The following NT5DC1 variants were observed in gnomAD, a reference collection of about 807,000 sequenced individuals.
The protein encoded by NT5DC1 is 5'-nucleotidase domain containing 1, also known as 5'-nucleotidase domain-containing protein 1.
Under a neutral mutation model 59.4 loss-of-function variants are expected in NT5DC1, and 42 were observed. The ratio of observed to expected loss-of-function variants is 0.71; its 90% CI spans 0.55 to 0.92. The LOEUF is 0.92. NT5DC1 is among the 40% of genes least tolerant of loss of function. NT5DC1 has a pLI of 0.00. For missense variants in NT5DC1, 501 were observed against 537.1 expected (o/e 0.93, Z 0.66); for synonymous variants, 172 against 188.1 (o/e 0.91, Z 0.70).
At chr6:116,154,005 A>AAT (rs1780117954) in intron 6 of NT5DC1, among the ~76,000 whole-genome samples, 3 of 151,852 alleles carry the variant, frequency 2.0e-5, no homozygotes, top group Admixed American at 1.3e-4. Context: ...TAGAATGTAC[A>AAT]ATACATGCCT....
At chr6:116,159,634 T>C (rs2114422531) in intron 6 of NT5DC1, among the ~76,000 whole-genome samples, 1 of 152,318 alleles carries the variant, frequency 6.6e-6, no homozygotes, top group East Asian at 1.9e-4. Flanking sequence ...CTTTTTCCCC[T>C]TTTCTGTTAA....
In NT5DC1 at chr6:116,187,260, A is replaced by C. The variant is rs561001275; in HGVS notation, c.530-33794A>C. 5.9e-5 allele frequency among the ~76,000 whole-genome samples: 9 copies of C among 152,204 alleles called. No individual in the cohort carries two copies. The East Asian group carries it at 9.7e-4, about 16-fold the overall frequency. ...TGGCTACCAGCACCTGCTCCAGGAA[A>C]GGTAGCAGGGGAGCGAAGTGGACTC... On this transcript the variant is annotated intron_variant, in intron 6 of 11. Transcript: ENST00000319550.
chr6:116,127,265 C>T (rs775064404), intron 6 of NT5DC1, among the ~76,000 whole-genome samples: 23 of 152,082 alleles, frequency 1.5e-4, no homozygotes, highest in Non-Finnish European at 2.1e-4. Flanking sequence ...TTCCCTTTCT[C>T]TCCCCTTCAA....
At chr6:116,114,531 G>T (rs1037782835) in intron 4 of NT5DC1, among the ~76,000 whole-genome samples, 7 of 93,270 alleles carry the variant, frequency 7.5e-5, no homozygotes, top group African/African-American at 2.2e-4. Flanking sequence ...TTGCAAATTG[G>T]GGGGAGGGGG....
intron 11 of NT5DC1, among the ~76,000 whole-genome samples, chr6:116,240,418 A>G (rs1226543158): frequency 1.3e-5 from 2 of 152,240 alleles, no homozygotes; most frequent in African/African-American, 2.4e-5. Context: ...GAATTAAAGT[A>G]TACAGGAAGA....
At chr6:116,145,426 A>G (rs1225252648) in intron 6 of NT5DC1, 2 of 366,486 alleles carry the variant, frequency 5.5e-6, no homozygotes, top group Non-Finnish European at 1.2e-5. Flanking sequence ...TCTGTTCTTT[A>G]TTATCTCTTA....
At chr6:116,185,282 A>G (rs1157967461) in intron 6 of NT5DC1, among the ~76,000 whole-genome samples, 2 of 152,136 alleles carry the variant, frequency 1.3e-5, no homozygotes, top group Non-Finnish European at 2.9e-5. Flanking sequence ...GTGGCCTATC[A>G]TATGGTCTGT....
intron 8 of NT5DC1, among the ~76,000 whole-genome samples, chr6:116,235,155 C>A (rs1461092196): frequency 6.6e-6 from 1 of 151,062 alleles, no homozygotes; most frequent in Admixed American, 6.6e-5. Flanking sequence ...TCCCGTTATC[C>A]TTGCAAAGTA....
chr6:116,244,074 A>G lies in NT5DC1; in HGVS notation c.*50A>G. The G allele has an allele frequency of 1.4e-6, 1 of 720,512 alleles. No homozygotes were observed. Among genetic ancestry groups the G allele is most frequent in the South Asian group, 2.0e-5 (1 of 50,004 alleles). 44.6% of individuals were successfully genotyped at this position (720,512 alleles called of 1,614,324 possible). On this transcript the variant is annotated 3_prime_UTR_variant, in exon 12 of 12. Coordinates refer to ENST00000319550, the MANE Select transcript of NT5DC1 (RefSeq NM_152729.3). ...GAAGACCCATATATGCAGTTAAAAA[A>G]AAGTTAATTTTCAAAAAATACTGTA... is the stretch of plus-strand genomic sequence containing the variant.
chr6:116,176,662 C>G (rs2114463179), intron 6 of NT5DC1, among the ~76,000 whole-genome samples: 1 of 152,256 alleles, frequency 6.6e-6, no homozygotes, highest in African/African-American at 2.4e-5. Context: ...CCACCTTTTT[C>G]CCAACCACAT....
At chr6:116,184,514 C>T (rs539839393) in intron 6 of NT5DC1, among the ~76,000 whole-genome samples, 3 of 152,122 alleles carry the variant, frequency 2.0e-5, no homozygotes, top group Non-Finnish European at 4.4e-5. Flanking sequence ...TCCGTCTGAT[C>T]CTGGCCTTTT....
intron 6 of NT5DC1, among the ~76,000 whole-genome samples, chr6:116,126,465 A>G (rs1779315259): frequency 6.6e-6 from 1 of 152,132 alleles, no homozygotes; most frequent in Non-Finnish European, 1.5e-5. Context: ...TCTTATGTTA[A>G]TTGGTTGATA....
rs144821990 is a variant in NT5DC1 at position 116,239,119 on chromosome 6, C to A, written c.1248C>A (p.Ile416=). 6.2e-7 allele frequency: 1 copy of A among 1,607,480 alleles called. No individual in the cohort carries two copies. The highest frequency in any genetic ancestry group is 8.5e-7 in the Non-Finnish European group (1 of 1,175,740). ...STIAIPSIEA[I]AELPLDYKFT... ...TTGCAATTCCAAGTATTGAAGCAAT[C>A]GCAGGTAAGGGGGAAAATACCTATA... The change falls in exon 11 of 12, where the codon ATC becomes ATA. Residue 416 remains isoleucine, a synonymous_variant. Transcript: ENST00000319550.
chr6:116,211,775 G>A (rs1282588718), intron 6 of NT5DC1, among the ~76,000 whole-genome samples: 1 of 152,002 alleles, frequency 6.6e-6, no homozygotes, highest in Non-Finnish European at 1.5e-5. Context: ...AGGGATATTG[G>A]AATGTTTGCT....
intron 6 of NT5DC1, chr6:116,125,522 A>G: frequency 6.2e-7 from 1 of 1,611,340 alleles, no homozygotes; most frequent in South Asian, 1.1e-5. Context: ...AAAACAGAAA[A>G]GAATAACTTT....
intron 6 of NT5DC1, among the ~76,000 whole-genome samples, chr6:116,198,737 AT>A (rs1171505380): frequency 1.3e-5 from 2 of 151,588 alleles, no homozygotes; most frequent in Non-Finnish European, 2.9e-5. Context: ...TCTAAACAAT[AT>A]TTTTTTAAAA....
intron 6 of NT5DC1, chr6:116,125,603 C>CT: frequency 9.6e-7 from 1 of 1,039,056 alleles, no homozygotes; most frequent in South Asian, 1.4e-5. Flanking sequence ...CAGTTATCTA[C>CT]TTTTTTAACC....
chr6:116,130,643 C>T (rs1002305313), intron 6 of NT5DC1, among the ~76,000 whole-genome samples: 4 of 151,986 alleles, frequency 2.6e-5, no homozygotes, highest in Admixed American at 1.3e-4. Flanking sequence ...AGCTAAGAAA[C>T]GTATGCACAG....
chr6:116,113,046 C>A (rs1778910036), intron 4 of NT5DC1, among the ~76,000 whole-genome samples: 1 of 152,186 alleles, frequency 6.6e-6, no homozygotes, highest in South Asian at 2.1e-4. Flanking sequence ...GAACAGTGTT[C>A]CTTGCCAGCT....
Sources: gnomAD v4.1 joint callset for allele counts (sites outside exome capture counted in the v4.1 genomes callset) on GRCh38, gnomAD v4.1.1 for gene constraint, MANE v1.5 for transcripts, NCBI Gene and HGNC (gene_info 2026-07-23, HGNC 2026-07-21) for gene names.